PREX1: variants seen among roughly 807,000 people sequenced by gnomAD.
The protein encoded by PREX1 is phosphatidylinositol-3,4,5-trisphosphate dependent Rac exchange factor 1.
A neutral mutation model predicts 198.3 loss-of-function variants in PREX1; 41 were observed. That is an observed-to-expected ratio of 0.21 (90% CI 0.16 to 0.27). The LOEUF is 0.27. Ranked by LOEUF, PREX1 falls within the 10% of genes least tolerant of loss-of-function variation. PREX1 has a pLI of 1.00. For synonymous variants in PREX1, 843 were observed against 887.2 expected, an observed-to-expected ratio of 0.95 and a Z score of 0.89; for missense variants, 1,620 against 2,200.7, an observed-to-expected ratio of 0.74 and a Z score of 5.28.
At chr20:48,704,328 A>G (rs1471919427) in intron 6 of PREX1, among the ~76,000 whole-genome samples, 1 of 152,228 alleles carries the variant, frequency 6.6e-6, no homozygotes, top group Non-Finnish European at 1.5e-5. Flanking sequence ...AAGGGGAGAG[A>G]CCATGTCCCA....
At chr20:48,725,971 G>C (rs2090008079) in intron 5 of PREX1, among the ~76,000 whole-genome samples, 1 of 152,162 alleles carries the variant, frequency 6.6e-6, no homozygotes, top group African/African-American at 2.4e-5. Context: ...ACCTTCCCCT[G>C]GCTGCAGATA....
At chr20:48,668,679 T>C (rs892161851) in intron 14 of PREX1, among the ~76,000 whole-genome samples, 2 of 152,008 alleles carry the variant, frequency 1.3e-5, no homozygotes, top group African/African-American at 4.8e-5. Flanking sequence ...TTCACCACAC[T>C]GCCTGCCCTG....
At chr20:48,751,761 G>A (rs937282778) in intron 1 of PREX1, among the ~76,000 whole-genome samples, 1 of 152,138 alleles carries the variant, frequency 6.6e-6, no homozygotes, top group East Asian at 1.9e-4. Context: ...CTCCAGCCTC[G>A]GAAGCTTTGC....
rs566240773 is a variant in PREX1, at chr20:48,826,568, G to A, written c.219+1074C>T. Among the ~76,000 whole-genome samples, 6 of 152,296 alleles carry A rather than the reference G, an allele frequency of 3.9e-5. No individual in the cohort carries two copies. The East Asian group carries it at 1.2e-3, about 29-fold the overall frequency. On this transcript the variant is annotated intron_variant, in intron 1 of 39. Coordinates refer to ENST00000371941, the MANE Select transcript of PREX1 (RefSeq NM_020820.4). ...GCTAAACTTTCCCAATCTTAAAAAC[G>A]GAGGAGGCAGGACCCAGTAGCTCAC...
At chr20:48,675,938 G>A (rs1007422595) in intron 14 of PREX1, among the ~76,000 whole-genome samples, 3 of 151,966 alleles carry the variant, frequency 2.0e-5, no homozygotes, top group Non-Finnish European at 4.4e-5. Context: ...TTGGGAGGCT[G>A]AGGCAGGAGA....
intron 27 of PREX1, chr20:48,642,783 G>C: frequency 3.5e-6 from 1 of 286,634 alleles, no homozygotes. Context: ...AGGACCTGGA[G>C]GCCACGTCTC....
intron 5 of PREX1, among the ~76,000 whole-genome samples, chr20:48,719,982 C>T (rs530528721): frequency 6.6e-6 from 1 of 152,316 alleles, no homozygotes; most frequent in South Asian, 2.1e-4. Flanking sequence ...ACCTCTCTAA[C>T]CTTACTCCCT....
At chr20:48,730,086 C>G (rs780776170) in intron 4 of PREX1, among the ~76,000 whole-genome samples, 1 of 152,168 alleles carries the variant, frequency 6.6e-6, no homozygotes, top group East Asian at 1.9e-4. Flanking sequence ...GAGGGAGCAC[C>G]CACCGACACC....
intron 1 of PREX1, among the ~76,000 whole-genome samples, chr20:48,812,962 G>A (rs1215845150): frequency 6.6e-6 from 1 of 152,256 alleles, no homozygotes; most frequent in Non-Finnish European, 1.5e-5. Flanking sequence ...TTGGAAGGGT[G>A]AGATCTTTTT....
At chr20:48,881,591 A>T in the PREX1 span, among the ~76,000 whole-genome samples, 1 of 150,594 alleles carries the variant, frequency 6.6e-6, no homozygotes, top group South Asian at 2.1e-4. Context: ...GGTTCAAGGG[A>T]TTCTCCTGCC....
At chr20:48,766,202 T>C (rs530612480) in intron 1 of PREX1, among the ~76,000 whole-genome samples, 1 of 152,280 alleles carries the variant, frequency 6.6e-6, no homozygotes, top group East Asian at 1.9e-4. Flanking sequence ...ATGTAATGTG[T>C]TTGAATCATC....
intron 29 of PREX1, among the ~76,000 whole-genome samples, chr20:48,641,834 GAGAGAGAGGAAGGAAGGA>G (rs1568796493): frequency 8.6e-5 from 11 of 128,610 alleles, no homozygotes; most frequent in African/African-American, 2.8e-4. Context: ...AAGAGAGAGA[GAGAGAGAGGAAGGAAGGA>G]AGGAAGGAAG....
At chr20:48,757,427 C>G (rs1275269581) in intron 1 of PREX1, among the ~76,000 whole-genome samples, 1 of 152,196 alleles carries the variant, frequency 6.6e-6, no homozygotes, top group African/African-American at 2.4e-5. Flanking sequence ...TCAGCATGTT[C>G]GTCCTGCATA....
chr20:48,776,160 TC>T (rs796823842), intron 1 of PREX1, among the ~76,000 whole-genome samples: 26 of 152,098 alleles, frequency 1.7e-4, no homozygotes, highest in African/African-American at 6.0e-4. Context: ...AGGCTTATTT[TC>T]CCCCTCTGTA....
chr20:48,721,468 G>A (rs954061481), intron 5 of PREX1, among the ~76,000 whole-genome samples: 2 of 152,208 alleles, frequency 1.3e-5, no homozygotes, highest in Admixed American at 1.3e-4. Context: ...GGGGTAAAAT[G>A]TCCCAGCAGA....
chr20:48,783,270 G>A (rs2090297990), intron 1 of PREX1, among the ~76,000 whole-genome samples: 1 of 152,162 alleles, frequency 6.6e-6, no homozygotes, highest in Admixed American at 6.6e-5. Flanking sequence ...AGAACAATGA[G>A]ACTGGCCACT....
chr20:48,651,383 T>C lies in PREX1; in HGVS notation c.2655+13A>G, dbSNP rs766814370. The C allele has an allele frequency of 1.3e-6, 2 of 1,589,670 alleles. No homozygotes were observed. The highest frequency in any genetic ancestry group is 1.7e-5 in the Admixed American group (1 of 58,810). On this transcript the variant is annotated intron_variant, in intron 22 of 39. Transcript: ENST00000371941. The stretch of plus-strand genomic sequence containing the variant: ...CCCAGGGTAGGGCAGGGCCAGGCAG[T>C]GCCCAAGGAGACCTTGGCGGTGAGG...
intron 4 of PREX1, among the ~76,000 whole-genome samples, chr20:48,733,753 G>GT (rs2090045192): frequency 9.3e-6 from 1 of 107,984 alleles, no homozygotes; most frequent in African/African-American, 3.4e-5. Context: ...GGGTTTTTTT[G>GT]TTTTTTGTTT....
At chr20:48,835,545 A>G in the PREX1 span, among the ~76,000 whole-genome samples, 2 of 152,206 alleles carry the variant, frequency 1.3e-5, no homozygotes, top group South Asian at 4.1e-4. Flanking sequence ...ACATTTAAGC[A>G]AAGAACTGAA....
Sources: gnomAD v4.1 joint callset for allele counts (sites outside exome capture counted in the v4.1 genomes callset) on GRCh38, gnomAD v4.1.1 for gene constraint, MANE v1.5 for transcripts, NCBI Gene and HGNC (gene_info 2026-07-23, HGNC 2026-07-21) for gene names.